The following CDK5RAP2 variants were observed in gnomAD, a reference collection of about 807,000 sequenced individuals.
The protein encoded by CDK5RAP2 is CDK5 regulatory subunit associated protein 2.
Under a neutral mutation model 232.9 loss-of-function variants are expected in CDK5RAP2, and 147 were observed. The observed-to-expected ratio is 0.63, with a 90% CI of 0.55 to 0.72. CDK5RAP2 has a LOEUF of 0.72. Among genes scored for constraint, CDK5RAP2 ranks in the 30% least tolerant of loss-of-function variants. The pLI, the probability that CDK5RAP2 is intolerant of heterozygous loss-of-function variation, is 0.00. For synonymous variants in CDK5RAP2, 833 were observed against 833.7 expected, an observed-to-expected ratio of 1.00 and a Z score of 0.01; for missense variants, 2,195 against 2,231.5, an observed-to-expected ratio of 0.98 and a Z score of 0.33.
intron 6 of CDK5RAP2, among the ~76,000 whole-genome samples, chr9:120,538,769 TAGGTTA>T (rs1403797253): frequency 2.0e-5 from 3 of 152,232 alleles, no homozygotes; most frequent in Non-Finnish European, 4.4e-5. Flanking sequence ...CTACTAGTAT[TAGGTTA>T]AGCCTATTAA....
At chr9:120,570,927 T>G (rs941269748) in intron 2 of CDK5RAP2, among the ~76,000 whole-genome samples, 15 of 152,326 alleles carry the variant, frequency 9.8e-5, no homozygotes, top group Admixed American at 5.9e-4. Flanking sequence ...TTCGGGAAGC[T>G]GAGGCAGGTG....
intron 20 of CDK5RAP2, among the ~76,000 whole-genome samples, chr9:120,457,138 C>T (rs983362565): frequency 6.6e-6 from 1 of 152,064 alleles, no homozygotes; most frequent in Non-Finnish European, 1.5e-5. Flanking sequence ...TTTTAAAAAC[C>T]CATTTTACAG....
intron 12 of CDK5RAP2, among the ~76,000 whole-genome samples, chr9:120,511,636 G>A (rs1053748875): frequency 6.6e-6 from 1 of 151,836 alleles, no homozygotes; most frequent in African/African-American, 2.4e-5. Context: ...AGACACTGCA[G>A]ACCTTGTAAC....
At chr9:120,544,573 C>A (rs1193068052) in intron 5 of CDK5RAP2, among the ~76,000 whole-genome samples, 3 of 152,252 alleles carry the variant, frequency 2.0e-5, no homozygotes, top group African/African-American at 7.2e-5. Context: ...GGGAATTATA[C>A]TGGCCTGGCC....
chr9:120,438,068 T>C (rs77636241), intron 24 of CDK5RAP2, among the ~76,000 whole-genome samples: 3,208 of 152,312 alleles, frequency 0.021, 53 homozygotes, highest in East Asian at 0.042. Context: ...AATGTATAAA[T>C]GTCCCCTTTT....
chr9:120,401,428 T>C (rs1236252429), intron 34 of CDK5RAP2, among the ~76,000 whole-genome samples: 1 of 151,516 alleles, frequency 6.6e-6, no homozygotes, highest in African/African-American at 2.4e-5. Context: ...CTAGGCAACA[T>C]AGTGAGACCC....
rs577038267 is a variant in CDK5RAP2 at position 120,568,206 on chromosome 9, C to G, written c.195+115G>C. 5.0e-3 allele frequency: 4,142 copies of G among 828,934 alleles called. 17 individuals carry two copies. Among genetic ancestry groups the G allele is most frequent in the Non-Finnish European group, 7.3e-3 (3,398 of 466,860 alleles). 51.3% of individuals were successfully genotyped at this position (828,934 alleles called of 1,614,324 possible). On this transcript the variant is annotated intron_variant, in intron 3 of 37. Transcript: ENST00000349780. ...AGATGTCCATGAGACATGGCACCCC[C>G]CTGCCTCTGGCATCACCGAACTTAG...
In CDK5RAP2 at chr9:120,579,940, A is replaced by T. The variant is rs755003940; in HGVS notation, c.39T>A (p.Pro13=). The change falls in exon 1 of 38, where the codon CCT becomes CCA. Residue 13 remains proline (P), a synonymous_variant. Coordinates refer to ENST00000349780, the MANE Select transcript of CDK5RAP2 (RefSeq NM_018249.6). The part of the protein sequence containing the change: ...DLVLEEDVTV[P]GTLSGCSGLV... Reference sequence around the variant, plus strand: ...CGCACCTGCAGCCGCTGAGCGTCCCAGGGACGGTGACGTCCTCTTCCAACA... The same window carrying T: ...CGCACCTGCAGCCGCTGAGCGTCCCTGGGACGGTGACGTCCTCTTCCAACA... 6.2e-6 allele frequency: 10 copies of T among 1,613,434 alleles called. No individual in the cohort carries two copies. The East Asian group carries it at 2.2e-4, about 36-fold the overall frequency.
rs142650316 is a variant in CDK5RAP2 at position 120,446,285 on chromosome 9, G to C, written c.3025+1610C>G. Among the ~76,000 whole-genome samples, 1,057 of 151,716 alleles carry C rather than the reference G, an allele frequency of 7.0e-3. 10 individuals carry two copies. Among genetic ancestry groups the C allele is most frequent in the African/African-American group, 0.023 (969 of 41,328 alleles). On this transcript the variant is annotated intron_variant, in intron 22 of 37. Transcript: ENST00000349780. ...CTTTTTTTTTTTGAGATGGAGTTTC[G>C]CTCTTGTGTCTGCTCACTGCAACCT...
In CDK5RAP2 at chr9:120,579,946, G is replaced by C. The variant is rs140734649; in HGVS notation, c.33C>G (p.Thr11=). 6 of 1,613,194 alleles carry C rather than the reference G, an allele frequency of 3.7e-6. No homozygotes were observed. The highest frequency in any genetic ancestry group is 2.7e-5 in the African/African-American group (2 of 74,930). MMDLVLEEDV[T]VPGTLSGCSG... ...TGCAGCCGCTGAGCGTCCCAGGGAC[G>C]GTGACGTCCTCTTCCAACACCAAGT... The change falls in exon 1 of 38, where the codon ACC becomes ACG. Residue 11 remains threonine, a synonymous_variant. Coordinates refer to ENST00000349780, the MANE Select transcript of CDK5RAP2 (RefSeq NM_018249.6).
Position 120,421,462 on chromosome 9 carries a change from A to G in CDK5RAP2, c.4004+1231T>C, listed in dbSNP as rs991793176. 3.9e-5 allele frequency among the ~76,000 whole-genome samples: 6 copies of G among 152,290 alleles called. No individual in the cohort carries two copies. The South Asian group carries it at 1.2e-3, about 32-fold the overall frequency. ...AGCCCTGATTAAAACTCCTCCTGTG[A>G]GCTGTGATACCTCTCTGCCCACTCG... is the stretch of plus-strand genomic sequence containing the variant. On this transcript the variant is annotated intron_variant, in intron 26 of 37. Transcript: ENST00000349780.
At chr9:120,503,846 C>T (rs1350741638) in intron 12 of CDK5RAP2, among the ~76,000 whole-genome samples, 1 of 152,004 alleles carries the variant, frequency 6.6e-6, no homozygotes, top group Non-Finnish European at 1.5e-5. Context: ...ATGGCATCAC[C>T]ACCACCACCA....
chr9:120,467,688 C>T (rs546801153), intron 18 of CDK5RAP2, among the ~76,000 whole-genome samples, 172 bp downstream of exon 18: 12 of 152,132 alleles, frequency 7.9e-5, no homozygotes, highest in Middle Eastern at 3.4e-3. Flanking sequence ...CTCTATCCCC[C>T]GGGCTGGAGT....
Position 120,437,400 on chromosome 9 carries a change from A to G in CDK5RAP2, c.3850T>C (p.Leu1284=), listed in dbSNP as rs1720178271. The G allele has an allele frequency of 6.2e-7, 1 of 1,613,994 alleles. No individual in the cohort carries two copies. The highest frequency in any genetic ancestry group is 1.1e-5 in the South Asian group (1 of 91,062). The change falls in exon 25 of 38, where the codon TTG becomes CTG. Residue 1284 remains leucine, a synonymous_variant. Coordinates refer to ENST00000349780, the MANE Select transcript of CDK5RAP2 (RefSeq NM_018249.6). ...TAATCCACATCACTGGCCTGCAGCA[A>G]CTCCTCAAATGCCTTAATCATGGTG... is the stretch of plus-strand genomic sequence containing the variant. ...MNTMIKAFEE[L]LQASDVDYCV... is the part of the protein sequence containing the mutation.
chr9:120,391,720 G>A (rs917574757), intron 36 of CDK5RAP2, among the ~76,000 whole-genome samples: 1 of 152,232 alleles, frequency 6.6e-6, no homozygotes, highest in African/African-American at 2.4e-5. Context: ...TATGGTGTCA[G>A]TTTGACCAGG....
chr9:120,458,686 G>A, intron 19 of CDK5RAP2, 64 bp from the exon 20 acceptor site: 2 of 1,458,658 alleles, frequency 1.4e-6, no homozygotes, highest in African/African-American at 1.4e-5. Flanking sequence ...TGTGTGGAGA[G>A]AGGATGGAGA....
chr9:120,416,533 G>A (rs1317175423), intron 27 of CDK5RAP2, among the ~76,000 whole-genome samples: 1 of 152,110 alleles, frequency 6.6e-6, no homozygotes, highest in African/African-American at 2.4e-5. Flanking sequence ...GCCTTTAGGT[G>A]GCAGATTTTA....
chr9:120,492,161 G>A (rs2038942676), intron 12 of CDK5RAP2, among the ~76,000 whole-genome samples: 2 of 152,014 alleles, frequency 1.3e-5, no homozygotes, highest in African/African-American at 4.8e-5. Flanking sequence ...CAATACTGAA[G>A]CACTATTCAT....
chr9:120,522,288 G>A (rs911598265), intron 11 of CDK5RAP2, among the ~76,000 whole-genome samples: 3 of 152,126 alleles, frequency 2.0e-5, no homozygotes, highest in African/African-American at 7.2e-5. Flanking sequence ...TGGGACAACT[G>A]GGTAAAGAAT....
Sources: gnomAD v4.1 joint callset for allele counts (sites outside exome capture counted in the v4.1 genomes callset) on GRCh38, gnomAD v4.1.1 for gene constraint, MANE v1.5 for transcripts, NCBI Gene and HGNC (gene_info 2026-07-23, HGNC 2026-07-21) for gene names.